The following ZMYM2 variants were observed in gnomAD, a reference collection of about 807,000 sequenced individuals.
The protein encoded by ZMYM2 is zinc finger MYM-type protein 2.
In ZMYM2, 56 loss-of-function variants were observed where a neutral mutation model predicts 162.8. That is an observed-to-expected ratio of 0.34 (90% CI 0.28 to 0.43). The LOEUF (loss-of-function observed/expected upper bound fraction) is 0.43. ZMYM2 is among the 20% of genes least tolerant of loss of function. The pLI is 1.00. For synonymous variants in ZMYM2, 510 were observed against 541.6 expected, an observed-to-expected ratio of 0.94 and a Z score of 0.81; for missense variants, 1,275 against 1,621.8, an observed-to-expected ratio of 0.79 and a Z score of 3.67.
intron 3 of ZMYM2, among the ~76,000 whole-genome samples, chr13:19,998,809 A>G (rs1445319679): frequency 6.6e-6 from 1 of 152,216 alleles, no homozygotes; most frequent in Non-Finnish European, 1.5e-5. Flanking sequence ...TTGGTAGTAA[A>G]GAAGTTTTCC....
the ZMYM2 span, among the ~76,000 whole-genome samples, chr13:19,932,973 A>G: frequency 6.6e-6 from 1 of 152,156 alleles, no homozygotes; most frequent in South Asian, 2.1e-4. Context: ...TTTTAGAGAC[A>G]GGTCTCATTC....
the ZMYM2 span, among the ~76,000 whole-genome samples, chr13:19,883,449 A>G: frequency 6.6e-6 from 1 of 152,204 alleles, no homozygotes; most frequent in Non-Finnish European, 1.5e-5. Flanking sequence ...TTTGACGCGA[A>G]AACTTCGGGA....
At chr13:19,935,926 T>A in the ZMYM2 span, among the ~76,000 whole-genome samples, 14 of 152,320 alleles carry the variant, frequency 9.2e-5, no homozygotes, top group African/African-American at 3.4e-4. Flanking sequence ...AGTTTTAACC[T>A]CTCTGTAAGC....
the ZMYM2 span, among the ~76,000 whole-genome samples, chr13:19,952,962 T>C: frequency 6.6e-6 from 1 of 152,216 alleles, no homozygotes; most frequent in African/African-American, 2.4e-5. Flanking sequence ...TAGATTAATG[T>C]TATCATCAGG....
At chr13:19,865,088 C>T in the ZMYM2 span, 1 of 152,184 alleles carries the variant, frequency 6.6e-6, no homozygotes, top group African/African-American at 2.4e-5. Flanking sequence ...ATGGTAAAGG[C>T]ACAGGTTTAT....
rs932591403 is a variant in ZMYM2, at chr13:20,088,625, T to G, written c.*2611T>G. 1.5e-5 allele frequency: 3 copies of G among 194,906 alleles called. No homozygotes were observed. The highest frequency in any genetic ancestry group is 3.2e-5 in the Non-Finnish European group (3 of 93,538). The allele number at this position is 194,906 out of a possible 1,614,324, so 12.1% of individuals were successfully genotyped here. A position where few individuals can be genotyped will look rare whatever the true frequency, so the allele number is the denominator to read the frequency against. ...ATTTTTCTAGGCAAGAAGCTCAACTTTTTTTTTCCATAAAAATAATTTTTG... is the reference window on the plus strand; with the variant it reads ...ATTTTTCTAGGCAAGAAGCTCAACTGTTTTTTTCCATAAAAATAATTTTTG... On this transcript the variant is annotated 3_prime_UTR_variant, in exon 25 of 25. Transcript: ENST00000610343.
chr13:20,071,972 T>C (rs1392551434), intron 21 of ZMYM2: 1 of 187,032 alleles, frequency 5.3e-6, no homozygotes, highest in African/African-American at 2.4e-5. Flanking sequence ...TGCTTTCCTT[T>C]AAGAGTCCTC....
intron 12 of ZMYM2, among the ~76,000 whole-genome samples, chr13:20,046,405 T>A (rs1246066355): frequency 6.6e-6 from 1 of 151,426 alleles, no homozygotes; most frequent in Non-Finnish European, 1.5e-5. Flanking sequence ...ATAAAAAAAA[T>A]TAGCCAGGCA....
chr13:20,040,935 CT>C (rs2140420663), intron 12 of ZMYM2, among the ~76,000 whole-genome samples: 1 of 152,258 alleles, frequency 6.6e-6, no homozygotes, highest in South Asian at 2.1e-4. Flanking sequence ...TTAGTCTTGA[CT>C]TCTAATTTGA....
intron 6 of ZMYM2, 134 bp downstream of exon 6, chr13:20,006,720 C>T (rs1313493858): frequency 5.3e-6 from 5 of 939,604 alleles, no homozygotes; most frequent in South Asian, 4.9e-5. Context: ...GTTGTCATAT[C>T]ATGGAGCATA....
At chr13:20,053,560 G>T (rs982562692) in intron 14 of ZMYM2, among the ~76,000 whole-genome samples, 2 of 152,152 alleles carry the variant, frequency 1.3e-5, no homozygotes, top group Non-Finnish European at 2.9e-5. Context: ...GCTGAGGCAG[G>T]AGAATCGCTT....
In ZMYM2 at chr13:20,061,133, G is replaced by A. The variant is rs1343243957; in HGVS notation, c.2820G>A (p.Lys940=). 3 of 1,613,256 alleles carry A rather than the reference G, an allele frequency of 1.9e-6. No individual in the cohort carries two copies. The change falls in exon 17 of 25, where the codon AAG becomes AAA. Residue 940 remains lysine, a synonymous_variant. Transcript: ENST00000610343. ...CAGCAATTGAGGAGCTAAAAAGCAA[G>A]GTTTCTTCAGATGCTCTTGATACAG... is the stretch of plus-strand genomic sequence containing the variant. The part of the protein sequence containing the change: ...IPAAIEELKS[K]VSSDALDTEL...
At chr13:19,997,059 A>C (rs1053855524) in intron 3 of ZMYM2, among the ~76,000 whole-genome samples, 1 of 152,148 alleles carries the variant, frequency 6.6e-6, no homozygotes, top group African/African-American at 2.4e-5. Context: ...CTCCTGAGTA[A>C]AGATGACCAC....
the ZMYM2 span, among the ~76,000 whole-genome samples, chr13:19,950,231 A>G: frequency 6.6e-6 from 1 of 152,158 alleles, no homozygotes; most frequent in African/African-American, 2.4e-5. Flanking sequence ...AAGTAAAATC[A>G]TTGTGTATTT....
At chr13:19,972,842 T>A (rs1164603919) in intron 2 of ZMYM2, among the ~76,000 whole-genome samples, 2 of 151,940 alleles carry the variant, frequency 1.3e-5, no homozygotes, top group Non-Finnish European at 2.9e-5. Flanking sequence ...ATAGCTAAAT[T>A]TAATGTGTTC....
chr13:19,884,573 CAA>C, the ZMYM2 span, among the ~76,000 whole-genome samples: 1 of 151,004 alleles, frequency 6.6e-6, no homozygotes, highest in African/African-American at 2.4e-5. Flanking sequence ...AAACCTGTAT[CAA>C]AAAGAAAAAA....
intron 21 of ZMYM2, among the ~76,000 whole-genome samples, chr13:20,074,836 C>T (rs1412924739): frequency 1.3e-5 from 2 of 151,702 alleles, no homozygotes; most frequent in East Asian, 1.9e-4. Context: ...CTGCGCCCGG[C>T]CTTCCTTCCT....
At chr13:20,078,837 TA>T (rs1243006875) in intron 21 of ZMYM2, among the ~76,000 whole-genome samples, 6 of 152,160 alleles carry the variant, frequency 3.9e-5, no homozygotes, top group African/African-American at 1.4e-4. Context: ...TTTTAACTTT[TA>T]AAATGTGGCT....
At chr13:19,921,083 G>C in the ZMYM2 span, among the ~76,000 whole-genome samples, 1 of 151,860 alleles carries the variant, frequency 6.6e-6, no homozygotes, top group African/African-American at 2.4e-5. Flanking sequence ...CCTTCCTTTA[G>C]TAAAAATACT....
Sources: allele counts gnomAD v4.1 joint callset (sites outside exome capture counted in the v4.1 genomes callset), GRCh38; gene constraint gnomAD v4.1.1; transcripts MANE v1.5; gene names NCBI Gene and HGNC (gene_info 2026-07-23, HGNC 2026-07-21).